The following CAST variants were observed in gnomAD, a reference collection of about 807,000 sequenced individuals.
The protein encoded by CAST is calpastatin.
CAST carries 76 observed loss-of-function variants against 119.6 expected under a neutral mutation model. The observed-to-expected ratio is 0.64, with a 90% CI of 0.53 to 0.77. CAST has a LOEUF of 0.77. CAST is among the 30% of genes least tolerant of loss of function. CAST has a pLI of 0.00. For missense variants in CAST, 953 were observed against 946.5 expected (o/e 1.01, Z -0.09); for synonymous variants, 319 against 331.6 (o/e 0.96, Z 0.41).
chr5:95,999,096 T>C, the CAST span, among the ~76,000 whole-genome samples: 1 of 152,162 alleles, frequency 6.6e-6, no homozygotes, highest in Non-Finnish European at 1.5e-5. Context: ...TTAAGAACAT[T>C]TTTATTCTCC....
At chr5:95,988,014 A>G in the CAST span, among the ~76,000 whole-genome samples, 2 of 152,218 alleles carry the variant, frequency 1.3e-5, no homozygotes, top group South Asian at 2.1e-4. Flanking sequence ...CTAAGATCCA[A>G]GTTTATTAAG....
At chr5:96,109,325 A>G in the CAST span, among the ~76,000 whole-genome samples, 1 of 152,250 alleles carries the variant, frequency 6.6e-6, no homozygotes. Context: ...TGATATTTGC[A>G]TTAGGAAATA....
the CAST span, among the ~76,000 whole-genome samples, chr5:96,298,842 T>C: frequency 6.6e-6 from 1 of 151,302 alleles, no homozygotes; most frequent in Non-Finnish European, 1.5e-5. Context: ...AGAAGATTTA[T>C]GAAAAATGCT....
At chr5:96,415,192 T>C in the CAST span, among the ~76,000 whole-genome samples, 1 of 152,208 alleles carries the variant, frequency 6.6e-6, no homozygotes, top group Non-Finnish European at 1.5e-5. Context: ...GAACATGGAC[T>C]GCATCAATGG....
chr5:96,189,727 T>C, the CAST span, among the ~76,000 whole-genome samples: 2 of 152,174 alleles, frequency 1.3e-5, no homozygotes, highest in Non-Finnish European at 2.9e-5. Flanking sequence ...ATTTTACTGC[T>C]TTTTTATAAA....
the CAST span, among the ~76,000 whole-genome samples, chr5:96,426,276 T>C: frequency 1.3e-5 from 2 of 152,194 alleles, no homozygotes; most frequent in Non-Finnish European, 2.9e-5. Flanking sequence ...GTTTCAGGGC[T>C]CCATGGCTGA....
At chr5:96,644,737 G>A (rs1335835167) in intron 1 of CAST, among the ~76,000 whole-genome samples, 3 of 152,214 alleles carry the variant, frequency 2.0e-5, no homozygotes, top group African/African-American at 4.8e-5. Flanking sequence ...CACTTTGGGA[G>A]GGTGAGGCGA....
At chr5:95,980,149 A>G in the CAST span, among the ~76,000 whole-genome samples, 6 of 152,076 alleles carry the variant, frequency 3.9e-5, no homozygotes, top group African/African-American at 1.4e-4. Flanking sequence ...AAACAGCAAA[A>G]AAATAAAAAT....
At chr5:96,455,753 C>CTTAATT in the CAST span, among the ~76,000 whole-genome samples, 1 of 152,206 alleles carries the variant, frequency 6.6e-6, no homozygotes, top group Non-Finnish European at 1.5e-5. Context: ...CGTTGAGCAA[C>CTTAATT]TTAATTCCAT....
At chr5:96,342,406 A>G in the CAST span, among the ~76,000 whole-genome samples, 477 of 152,312 alleles carry the variant, frequency 3.1e-3, 1 homozygote, top group African/African-American at 0.011. Flanking sequence ...ATATTTTCCA[A>G]TGCAGCGGGG....
At chr5:96,640,243 G>A (rs1448464846) in intron 1 of CAST, among the ~76,000 whole-genome samples, 1 of 152,194 alleles carries the variant, frequency 6.6e-6, no homozygotes, top group Non-Finnish European at 1.5e-5. Flanking sequence ...GTGCTTCTTG[G>A]ATTACGCTGG....
chr5:96,401,696 C>T, the CAST span, among the ~76,000 whole-genome samples: 1 of 152,128 alleles, frequency 6.6e-6, no homozygotes, highest in African/African-American at 2.4e-5. Context: ...TTCCATTGCA[C>T]TTATAGGCTT....
intron 2 of CAST, among the ~76,000 whole-genome samples, chr5:96,690,138 C>A (rs1161053209): frequency 6.6e-6 from 1 of 152,210 alleles, no homozygotes; most frequent in Non-Finnish European, 1.5e-5. Context: ...AAAAGAACAA[C>A]AACAACAAGC....
chr5:96,534,726 A>AAGGAAG (rs1561408784), intron 1 of CAST, among the ~76,000 whole-genome samples: 776 of 11,080 alleles, frequency 0.07, 88 homozygotes, highest in Non-Finnish European at 0.11. Context: ...AGAGAGAGAG[A>AAGGAAG]GAGAGAGAGA....
chr5:96,423,312 C>T, the CAST span: 1 of 1,606,898 alleles, frequency 6.2e-7, no homozygotes, highest in South Asian at 1.1e-5. Flanking sequence ...CACACACTTA[C>T]ATAGTTGGCA....
chr5:96,670,441 T>C (rs546011914), intron 1 of CAST, among the ~76,000 whole-genome samples: 17 of 152,362 alleles, frequency 1.1e-4, no homozygotes, highest in Non-Finnish European at 1.9e-4. Context: ...GACTTAATGC[T>C]GGCAAGGGCT....
the CAST span, among the ~76,000 whole-genome samples, chr5:96,329,658 C>A: frequency 6.6e-6 from 1 of 152,236 alleles, no homozygotes; most frequent in Non-Finnish European, 1.5e-5. Flanking sequence ...ATGCTCCTGA[C>A]ATTTTCTGCT....
chr5:96,245,035 C>T, the CAST span, among the ~76,000 whole-genome samples: 43 of 152,178 alleles, frequency 2.8e-4, no homozygotes, highest in Non-Finnish European at 2.4e-4. Context: ...AATCCACTCA[C>T]AATTTATTTA....
the CAST span, among the ~76,000 whole-genome samples, chr5:96,144,059 G>A: frequency 6.4e-4 from 98 of 152,252 alleles, 1 homozygote; most frequent in African/African-American, 2.4e-3. Context: ...CTTATGTAAA[G>A]TCAAATAATG....
Sources: allele counts gnomAD v4.1 joint callset (sites outside exome capture counted in the v4.1 genomes callset), GRCh38; gene constraint gnomAD v4.1.1; transcripts MANE v1.5; gene names NCBI Gene and HGNC (gene_info 2026-07-23, HGNC 2026-07-21).